SCARA3: variants seen among roughly 807,000 people sequenced by gnomAD.
SCARA3 encodes scavenger receptor class A member 3.
SCARA3 carries 39 observed loss-of-function variants against 47.0 expected under a neutral mutation model. The ratio of observed to expected loss-of-function variants is 0.83; its 90% CI spans 0.64 to 1.08. The LOEUF is 1.08. SCARA3 is among the 50% of genes least tolerant of loss of function. SCARA3 has a pLI of 0.00. For synonymous variants in SCARA3, 356 were observed against 334.1 expected (o/e 1.07, Z -0.71); for missense variants, 724 against 792.3 (o/e 0.91, Z 1.04).
chr8:27,633,889 G>C (rs35245298), upstream of SCARA3: 499 of 155,070 alleles, frequency 3.2e-3, 3 homozygotes, highest in African/African-American at 0.012. Flanking sequence ...TGCGCGGGGC[G>C]AGGGGCGGCG....
At chr8:27,703,687 G>A in the SCARA3 span, 14 of 152,170 alleles carry the variant, frequency 9.2e-5, no homozygotes, top group African/African-American at 3.1e-4. Context: ...CCAGGACTCC[G>A]GACCTGGAAA....
At chr8:27,675,445 C>T (rs1054561489), downstream of SCARA3, among the ~76,000 whole-genome samples, 2 of 152,176 alleles carry the variant, frequency 1.3e-5, no homozygotes, top group Non-Finnish European at 2.9e-5. Flanking sequence ...TGCTTGCCTT[C>T]TTCTGTCTTG....
Position 27,658,507 on chromosome 8 carries a change from C to CT in SCARA3, c.338dup (p.Asn114GlufsTer8). Reference sequence around the variant, plus strand: ...CCTTTCCCCTAAAGATCCGAAAGCCCTGAACAACTGCTCTTTCTGCCATGA... The same window carrying CT: ...CCTTTCCCCTAAAGATCCGAAAGCCCTTGAACAACTGCTCTTTCTGCCATGA... On this transcript the variant is annotated frameshift_variant, in exon 5 of 6. Transcript: ENST00000301904. LOFTEE classifies it high-confidence loss of function. 2 of 1,608,304 alleles carry CT rather than the reference C, an allele frequency of 1.2e-6. No individual in the cohort carries two copies. The highest frequency in any genetic ancestry group is 2.2e-5 in the South Asian group (2 of 89,932).
chr8:27,710,958 T>G, the SCARA3 span, among the ~76,000 whole-genome samples: 1 of 150,464 alleles, frequency 6.6e-6, no homozygotes, highest in Non-Finnish European at 1.5e-5. Flanking sequence ...GTTCCCCTCT[T>G]GTTGCCCAGG....
chr8:27,708,379 A>C, the SCARA3 span, among the ~76,000 whole-genome samples: 1 of 152,196 alleles, frequency 6.6e-6, no homozygotes, highest in African/African-American at 2.4e-5. Flanking sequence ...TGCTACAAAC[A>C]ATGTTTAAAA....
At chr8:27,683,164 T>G in the SCARA3 span, among the ~76,000 whole-genome samples, 1 of 152,108 alleles carries the variant, frequency 6.6e-6, no homozygotes, top group African/African-American at 2.4e-5. Flanking sequence ...ATGTGCTGAC[T>G]GAGAGAAGCC....
chr8:27,666,617 G>A (rs1432249066), intron 5 of SCARA3, among the ~76,000 whole-genome samples: 1 of 152,236 alleles, frequency 6.6e-6, no homozygotes, highest in Admixed American at 6.5e-5. Flanking sequence ...CTGGGTGCCT[G>A]ATGTCCACGC....
At chr8:27,682,855 A>T in the SCARA3 span, among the ~76,000 whole-genome samples, 4 of 152,290 alleles carry the variant, frequency 2.6e-5, no homozygotes, top group Non-Finnish European at 4.4e-5. Flanking sequence ...AACTACTTTG[A>T]AAAACAGTTT....
intron 2 of SCARA3, among the ~76,000 whole-genome samples, chr8:27,650,662 C>T (rs932868443): frequency 7.2e-5 from 11 of 152,332 alleles, no homozygotes; most frequent in Admixed American, 1.3e-4. Context: ...TAGGAATTCG[C>T]AGCTGGGCCA....
the SCARA3 span, among the ~76,000 whole-genome samples, chr8:27,713,617 T>C: frequency 6.6e-6 from 1 of 152,316 alleles, no homozygotes; most frequent in Non-Finnish European, 1.5e-5. Flanking sequence ...GATGTGGTCA[T>C]CAGAGGCCCC....
chr8:27,683,212 T>C, the SCARA3 span, among the ~76,000 whole-genome samples: 2 of 151,682 alleles, frequency 1.3e-5, no homozygotes, highest in Non-Finnish European at 3.0e-5. Context: ...ATTCCATTTA[T>C]GTAAAATTCT....
intron 5 of SCARA3, among the ~76,000 whole-genome samples, chr8:27,663,725 C>T (rs1563411337): frequency 6.6e-6 from 1 of 152,152 alleles, no homozygotes; most frequent in Non-Finnish European, 1.5e-5. Context: ...TACTGATTCA[C>T]CTACAGGGGC....
chr8:27,646,982 C>T (rs1361590043), intron 1 of SCARA3, among the ~76,000 whole-genome samples: 1 of 109,726 alleles, frequency 9.1e-6, no homozygotes, highest in Non-Finnish European at 2.0e-5. Flanking sequence ...GCCCCCCCCC[C>T]GCACACACAC....
Position 27,634,138 on chromosome 8 carries a change from C to G in SCARA3, c.-63C>G, listed in dbSNP as rs1239846503. ...CGCCCTGGAGGATCCGCCGGCCGCC[C>G]GGCTCCACTACAGCTCCAGCCGCCT... On this transcript the variant is annotated 5_prime_UTR_variant, in exon 1 of 6. Coordinates refer to ENST00000301904, the MANE Select transcript of SCARA3 (RefSeq NM_016240.3). 2 of 1,434,604 alleles carry G rather than the reference C, an allele frequency of 1.4e-6. No individual in the cohort carries two copies. The highest frequency in any genetic ancestry group is 5.6e-5 in the East Asian group (2 of 35,562). 88.9% of individuals were successfully genotyped at this position (1,434,604 alleles called of 1,614,324 possible). A position where few individuals can be genotyped will look rare whatever the true frequency, so the allele number is the denominator to read the frequency against.
chr8:27,642,583 G>C (rs576782431), intron 1 of SCARA3, among the ~76,000 whole-genome samples: 29 of 152,296 alleles, frequency 1.9e-4, no homozygotes, highest in Admixed American at 1.5e-3. Flanking sequence ...AGCACTTTGG[G>C]AGACCCAGGG....
rs2128924527 is a variant in SCARA3 at position 27,672,772 on chromosome 8, A to G, written c.*1421A>G. ...TACACTCTAAAGCTGCTTTGCCTTC[A>G]TGTTCAAACAGATTCAGGCACCACC... On this transcript the variant is annotated 3_prime_UTR_variant, in exon 6 of 6. Coordinates refer to ENST00000301904, the MANE Select transcript of SCARA3 (RefSeq NM_016240.3). 1 of 985,534 alleles carries G rather than the reference A, an allele frequency of 1.0e-6. No individual in the cohort carries two copies. Among genetic ancestry groups the G allele is most frequent in the Non-Finnish European group, 1.2e-6 (1 of 830,012 alleles). The allele number at this position is 985,534 out of a possible 1,614,324, so 61.0% of individuals were successfully genotyped here. A position where few individuals can be genotyped will look rare whatever the true frequency, so the allele number is the denominator to read the frequency against.
At chr8:27,652,913 T>C (rs570197) in intron 3 of SCARA3, among the ~76,000 whole-genome samples, 29,905 of 152,170 alleles carry the variant, frequency 0.2, 3,414 homozygotes, top group Middle Eastern at 0.33. Context: ...TGTAAATCCC[T>C]TCAGGGGATT....
At chr8:27,723,857 T>C in the SCARA3 span, among the ~76,000 whole-genome samples, 1 of 152,162 alleles carries the variant, frequency 6.6e-6, no homozygotes, top group East Asian at 1.9e-4. Flanking sequence ...GACCTCAGCC[T>C]CCCGAGTAGC....
chr8:27,666,232 C>G (rs981727224), intron 5 of SCARA3, among the ~76,000 whole-genome samples: 2 of 152,190 alleles, frequency 1.3e-5, no homozygotes, highest in Admixed American at 6.5e-5. Flanking sequence ...TAGCTGCAGC[C>G]CTTTGTTGGT....
Sources: allele counts gnomAD v4.1 joint callset (sites outside exome capture counted in the v4.1 genomes callset), GRCh38; gene constraint gnomAD v4.1.1; transcripts MANE v1.5; gene names NCBI Gene and HGNC (gene_info 2026-07-23, HGNC 2026-07-21).